Variants in SEC23B observed in about 807,000 individuals in gnomAD.
The protein encoded by SEC23B is SEC23 homolog B, COPII component.
SEC23B carries 77 observed loss-of-function variants against 104.3 expected under a neutral mutation model. That is an observed-to-expected ratio of 0.74 (90% CI 0.61 to 0.89). The LOEUF (loss-of-function observed/expected upper bound fraction) is 0.89. SEC23B is among the 40% of genes least tolerant of loss of function. SEC23B has a pLI of 0.00. For synonymous variants in SEC23B, 338 were observed against 332.5 expected, an observed-to-expected ratio of 1.02 and a Z score of -0.18; for missense variants, 885 against 949.4, an observed-to-expected ratio of 0.93 and a Z score of 0.89.
At position 18,543,072 on chromosome 20, in the gene SEC23B, A is replaced by AG; in HGVS notation, c.1567dup (p.Ala523GlyfsTer41). On this transcript the variant is annotated frameshift_variant, in exon 14 of 20. Coordinates refer to ENST00000650089, the MANE Select transcript of SEC23B (RefSeq NM_006363.6). LOFTEE classifies it high-confidence loss of function. The stretch of plus-strand genomic sequence containing the variant: ...CACATAGAAGCAGCATTTGACCAGG[A>AG]GGCTGCGGCAGTGTTGATGGCACGG... 6.2e-7 allele frequency: 1 copy of AG among 1,614,132 alleles called. No individual in the cohort carries two copies. Among genetic ancestry groups the AG allele is most frequent in the South Asian group, 1.1e-5 (1 of 91,080 alleles).
intron 4 of SEC23B, among the ~76,000 whole-genome samples, chr20:18,516,953 A>G (rs2060034501): frequency 6.6e-6 from 1 of 152,184 alleles, no homozygotes; most frequent in African/African-American, 2.4e-5. Context: ...AAGGGATTGC[A>G]TTGAATCTGT....
At chr20:18,534,946 C>T (rs1310061738) in intron 11 of SEC23B, among the ~76,000 whole-genome samples, 4 of 152,134 alleles carry the variant, frequency 2.6e-5, no homozygotes, top group African/African-American at 9.7e-5. Flanking sequence ...CAGCTCTTCA[C>T]CTTCCAGCAG....
chr20:18,516,534 C>CTTTTT (rs145877490), intron 4 of SEC23B, among the ~76,000 whole-genome samples: 2 of 142,730 alleles, frequency 1.4e-5, no homozygotes, highest in Non-Finnish European at 3.0e-5. Flanking sequence ...TTTTTGGGCT[C>CTTTTT]TTTTTTTTTT....
rs978664173 is a variant in SEC23B at position 18,561,291 on chromosome 20, C to A, written c.*551C>A. 2 of 153,092 alleles carry A rather than the reference C, an allele frequency of 1.3e-5. No individual in the cohort carries two copies. Among genetic ancestry groups the A allele is most frequent in the African/African-American group, 4.8e-5 (2 of 41,416 alleles). 9.5% of individuals were successfully genotyped at this position (153,092 alleles called of 1,614,324 possible). On this transcript the variant is annotated 3_prime_UTR_variant, in exon 20 of 20. Coordinates refer to ENST00000650089, the MANE Select transcript of SEC23B (RefSeq NM_006363.6). ...TTACCTCCACTCTATAAACTCAGAC[C>A]TACTTTTTGAAGATAACTGCTTTTA...
chr20:18,521,898 G>A (rs186255668), intron 4 of SEC23B, among the ~76,000 whole-genome samples: 13 of 152,082 alleles, frequency 8.5e-5, no homozygotes, highest in African/African-American at 2.9e-4. Flanking sequence ...CCCATTTTAC[G>A]ACAAGGATTA....
At chr20:18,544,942 G>A (rs979474765) in intron 14 of SEC23B, among the ~76,000 whole-genome samples, 1 of 152,208 alleles carries the variant, frequency 6.6e-6, no homozygotes, top group Non-Finnish European at 1.5e-5. Context: ...TGCATGAGTG[G>A]TGTTGAGGTA....
rs547116345 is a variant in SEC23B, at chr20:18,531,604, C to T, written c.1233+801C>T. On this transcript the variant is annotated intron_variant, in intron 10 of 19. Coordinates refer to ENST00000650089, the MANE Select transcript of SEC23B (RefSeq NM_006363.6). Reference sequence around the variant, plus strand: ...GTAGGAGGCGGAGGTTGCGGTGAGCCAAAATCCTGCCATTGCACTCCAGCT... The same window carrying T: ...GTAGGAGGCGGAGGTTGCGGTGAGCTAAAATCCTGCCATTGCACTCCAGCT... 7.5e-5 allele frequency among the ~76,000 whole-genome samples: 9 copies of T among 119,424 alleles called. No individual in the cohort carries two copies. In the East Asian group the frequency reaches 2.4e-3, roughly 32 times the overall value. 78.3% of individuals were successfully genotyped at this position (119,424 alleles called of 152,430 possible).
intron 17 of SEC23B, among the ~76,000 whole-genome samples, chr20:18,552,768 C>G (rs547362919): frequency 2.9e-4 from 44 of 152,150 alleles, no homozygotes; most frequent in African/African-American, 8.2e-4. Flanking sequence ...GAGCTAAGAT[C>G]GAGCCAGTGC....
Position 18,560,876 on chromosome 20 carries a change from T to C in SEC23B, c.*136T>C. 1.4e-6 allele frequency: 1 copy of C among 701,470 alleles called. No individual in the cohort carries two copies. The highest frequency in any genetic ancestry group is 2.6e-6 in the Non-Finnish European group (1 of 388,242). 43.5% of individuals were successfully genotyped at this position (701,470 alleles called of 1,614,324 possible). On this transcript the variant is annotated 3_prime_UTR_variant, in exon 20 of 20. Coordinates refer to ENST00000650089, the MANE Select transcript of SEC23B (RefSeq NM_006363.6). ...GACATTTTATATGTAACTCTTTAGA[T>C]TATAATTTATTTGTATTCCTGTCTT...
At chr20:18,545,841 C>T in intron 14 of SEC23B, 115 bp from the exon 15 acceptor site, 1 of 747,104 alleles carries the variant, frequency 1.3e-6, no homozygotes, top group Admixed American at 1.8e-5. Context: ...TAGTAAGTGG[C>T]AGAGTTCAGA....
At chr20:18,520,065 A>G (rs2060068901) in intron 4 of SEC23B, among the ~76,000 whole-genome samples, 1 of 152,180 alleles carries the variant, frequency 6.6e-6, no homozygotes, top group Non-Finnish European at 1.5e-5. Context: ...GTGCAAAGGA[A>G]TAGTAAAGAA....
intron 17 of SEC23B, among the ~76,000 whole-genome samples, chr20:18,551,952 G>T (rs1174730650): frequency 6.6e-6 from 1 of 152,080 alleles, no homozygotes; most frequent in African/African-American, 2.4e-5. Context: ...ACTTTACGCT[G>T]TGTCTGTGGA....
At chr20:18,531,454 C>T (rs1193621513) in intron 10 of SEC23B, among the ~76,000 whole-genome samples, 2 of 149,406 alleles carry the variant, frequency 1.3e-5, no homozygotes, top group Admixed American at 6.7e-5. Context: ...GTTGGGAGTT[C>T]GAGACCAGCC....
rs1195519162 is a variant in SEC23B, at chr20:18,548,721, T to A, written c.1856T>A (p.Ile619Asn). 1.2e-6 allele frequency: 2 copies of A among 1,614,092 alleles called. No homozygotes were observed. The highest frequency in any genetic ancestry group is 1.7e-6 in the Non-Finnish European group (2 of 1,180,046). The change falls in exon 16 of 20, where the codon ATC becomes AAC. Residue 619 changes from isoleucine to asparagine, a missense_variant. Coordinates refer to ENST00000650089, the MANE Select transcript of SEC23B (RefSeq NM_006363.6). ...CGGCAGGACCTGACCCAGTCCCTCA[T>A]CATGATCCAGCCCATTCTCTACTCT... ...FARQDLTQSL[I>N]MIQPILYSYS... is the part of the protein sequence containing the mutation.
At chr20:18,548,586 CT>C in intron 15 of SEC23B, 22 bp from the exon 16 acceptor site, 1 of 1,611,210 alleles carries the variant, frequency 6.2e-7, no homozygotes, top group Non-Finnish European at 8.5e-7. Flanking sequence ...ATGCATTTCT[CT>C]TTCCGTTCTT....
intron 11 of SEC23B, among the ~76,000 whole-genome samples, chr20:18,533,630 T>G (rs2060204753): frequency 6.6e-6 from 1 of 152,246 alleles, no homozygotes; most frequent in South Asian, 2.1e-4. Flanking sequence ...AGTGTGGGTC[T>G]TCTTTCATGT....
intron 4 of SEC23B, among the ~76,000 whole-genome samples, chr20:18,521,835 G>A (rs1347223215): frequency 6.6e-6 from 1 of 152,152 alleles, no homozygotes; most frequent in Non-Finnish European, 1.5e-5. Context: ...AGAGACTAGG[G>A]AGGGACCAAT....
chr20:18,557,769 T>G (rs1198182207), intron 19 of SEC23B, among the ~76,000 whole-genome samples: 2 of 148,494 alleles, frequency 1.3e-5, no homozygotes, highest in Admixed American at 1.3e-4. Flanking sequence ...TTTGTTTTTT[T>G]GAGATGGAGT....
chr20:18,535,349 T>A (rs955123621), intron 11 of SEC23B, among the ~76,000 whole-genome samples: 14 of 152,086 alleles, frequency 9.2e-5, no homozygotes, highest in Admixed American at 1.3e-4. Context: ...CACTCCAGCC[T>A]GGGCAACAGA....
Sources: allele counts gnomAD v4.1 joint callset (sites outside exome capture counted in the v4.1 genomes callset), GRCh38; gene constraint gnomAD v4.1.1; transcripts MANE v1.5; gene names NCBI Gene and HGNC (gene_info 2026-07-23, HGNC 2026-07-21).